Variants in ZNF430 observed in about 807,000 individuals in gnomAD.
ZNF430 encodes the protein zinc finger protein 430.
A neutral mutation model predicts 56.7 loss-of-function variants in ZNF430; 35 were observed. The observed-to-expected ratio is 0.62, with a 90% CI of 0.47 to 0.82. The LOEUF (loss-of-function observed/expected upper bound fraction) is 0.82. Among genes scored for constraint, ZNF430 ranks in the 40% least tolerant of loss-of-function variants. The pLI, the probability that ZNF430 is intolerant of heterozygous loss-of-function variation, is 0.00. For missense variants in ZNF430, 574 were observed against 661.0 expected, an observed-to-expected ratio of 0.87 and a Z score of 1.44; for synonymous variants, 212 against 224.3, an observed-to-expected ratio of 0.94 and a Z score of 0.49.
intron 4 of ZNF430, among the ~76,000 whole-genome samples, chr19:21,055,489 C>A (rs901672833): frequency 6.6e-6 from 1 of 151,248 alleles, no homozygotes. Flanking sequence ...TGCTCTGTCT[C>A]CCAGACTGGA....
Position 21,059,684 on chromosome 19 carries a change from A to G in ZNF430, c.*1663A>G, listed in dbSNP as rs1201586063. On this transcript the variant is annotated 3_prime_UTR_variant, in exon 5 of 5. Transcript: ENST00000261560. ...TGAAAAAATTACAGATTTTTTGTAA[A>G]TAATGATGTAATTCAACTCTCAAAA... 6.6e-6 allele frequency: 1 copy of G among 152,204 alleles called. No homozygotes were observed. The highest frequency in any genetic ancestry group is 1.5e-5 in the Non-Finnish European group (1 of 68,030). The allele number at this position is 152,204 out of a possible 1,614,324, so 9.4% of individuals were successfully genotyped here. A position where few individuals can be genotyped will look rare whatever the true frequency, so the allele number is the denominator to read the frequency against.
intron 4 of ZNF430, 101 bp downstream of exon 4, chr19:21,034,285 A>C: frequency 1.1e-6 from 1 of 951,278 alleles, no homozygotes; most frequent in Non-Finnish European, 1.5e-6. Context: ...TCCAAAGCAA[A>C]TATTTTCTGG....
chr19:21,046,408 CTT>C (rs1328006225), intron 4 of ZNF430, among the ~76,000 whole-genome samples: 1 of 151,224 alleles, frequency 6.6e-6, no homozygotes, highest in Non-Finnish European at 1.5e-5. Flanking sequence ...TTTGAAGACT[CTT>C]TGATGTAGTT....
At position 21,059,133 on chromosome 19, in the gene ZNF430, G is replaced by C. The variant is rs1732911980; in HGVS notation, c.*1112G>C. ...ATATTTTTGCAGATGCAGTAAAAAT[G>C]AAAATATTTAATCCAAAATTAAGTC... is the stretch of plus-strand genomic sequence containing the variant. On this transcript the variant is annotated 3_prime_UTR_variant, in exon 5 of 5. Transcript: ENST00000261560. The C allele has an allele frequency of 6.6e-6, 1 of 152,162 alleles. No individual in the cohort carries two copies. The highest frequency in any genetic ancestry group is 2.1e-4 in the South Asian group (1 of 4,824). 9.4% of individuals were successfully genotyped at this position (152,162 alleles called of 1,614,324 possible).
chr19:21,047,251 C>G (rs796612582), intron 4 of ZNF430, among the ~76,000 whole-genome samples: 4 of 152,088 alleles, frequency 2.6e-5, no homozygotes, highest in Non-Finnish European at 5.9e-5. Flanking sequence ...TTTCATGGTT[C>G]TTAGCTTCTT....
At chr19:21,049,173 C>CAAAAAAAAAA (rs746043747) in intron 4 of ZNF430, among the ~76,000 whole-genome samples, 10 of 65,240 alleles carry the variant, frequency 1.5e-4, no homozygotes, top group Admixed American at 4.9e-4. Flanking sequence ...GACTCCATCT[C>CAAAAAAAAAA]AAAAAAAAAA....
At chr19:21,036,452 A>AT (rs1968001903) in intron 4 of ZNF430, 1 of 151,934 alleles carries the variant, frequency 6.6e-6, no homozygotes, top group East Asian at 1.9e-4. Context: ...ATAAATCTGT[A>AT]TTTTTTTCAG....
At chr19:21,042,601 A>G in intron 4 of ZNF430, among the ~76,000 whole-genome samples, 1 of 152,158 alleles carries the variant, frequency 6.6e-6, no homozygotes, top group East Asian at 1.9e-4. Flanking sequence ...ATCCTGGCTA[A>G]CACGGTGAAA....
Position 21,020,795 on chromosome 19 carries a change from C to G in ZNF430, c.-6C>G. The G allele has an allele frequency of 1.9e-6, 3 of 1,613,886 alleles. No homozygotes were observed. The highest frequency in any genetic ancestry group is 2.5e-6 in the Non-Finnish European group (3 of 1,179,860). On this transcript the variant is annotated 5_prime_UTR_variant, in exon 1 of 5. Coordinates refer to ENST00000261560, the MANE Select transcript of ZNF430 (RefSeq NM_025189.4). ...TAAGACGCCAGGAACCCCTGGAAGC[C>G]TAGAAATGGTGAGAGTGCCGGGTCC...
chr19:21,054,802 G>A (rs1263986939), intron 4 of ZNF430, among the ~76,000 whole-genome samples: 1 of 149,606 alleles, frequency 6.7e-6, no homozygotes, highest in East Asian at 2.0e-4. Flanking sequence ...AGCCTCCTGC[G>A]TAGCTGGGAC....
chr19:21,025,457 G>C (rs1341017254), intron 2 of ZNF430, among the ~76,000 whole-genome samples: 1 of 152,130 alleles, frequency 6.6e-6, no homozygotes, highest in East Asian at 1.9e-4. Context: ...ATCTTGTGCT[G>C]AACTCTTGTC....
chr19:21,045,091 C>A (rs933818864), intron 4 of ZNF430, among the ~76,000 whole-genome samples: 3 of 151,820 alleles, frequency 2.0e-5, no homozygotes, highest in Non-Finnish European at 2.9e-5. Flanking sequence ...CACTTGGATT[C>A]TTCTTATGTC....
chr19:21,049,733 C>G (rs113050285), intron 4 of ZNF430, among the ~76,000 whole-genome samples: 19 of 151,872 alleles, frequency 1.3e-4, no homozygotes, highest in South Asian at 8.3e-4. Flanking sequence ...TGTTACATTT[C>G]GTGTAACATT....
At chr19:21,048,834 C>T (rs545205697) in intron 4 of ZNF430, among the ~76,000 whole-genome samples, 11 of 152,022 alleles carry the variant, frequency 7.2e-5, no homozygotes, top group African/African-American at 9.6e-5. Context: ...CCCTCCTGGA[C>T]GGGGTGGCTG....
At chr19:21,028,773 C>T (rs1301177329) in intron 2 of ZNF430, among the ~76,000 whole-genome samples, 1 of 152,132 alleles carries the variant, frequency 6.6e-6, no homozygotes, top group Admixed American at 6.5e-5. Flanking sequence ...GCAACCTCCG[C>T]CTCCCGGGTT....
chr19:21,023,129 C>A lies in ZNF430; in HGVS notation c.96+248C>A, dbSNP rs1051013419. Among the ~76,000 whole-genome samples the A allele has an allele frequency of 4.5e-4, 68 of 152,102 alleles. 1 individual carries two copies. The highest frequency in any genetic ancestry group is 4.4e-3 in the Admixed American group (67 of 15,252). On this transcript the variant is annotated intron_variant, in intron 2 of 4. Coordinates refer to ENST00000261560, the MANE Select transcript of ZNF430 (RefSeq NM_025189.4). ...ACAAAAAGAAAAAGAAAAACACTGA[C>A]CCCAGTGAGATGGCGTAAGAACTTG...
chr19:21,056,250 A>G (rs933100875), intron 4 of ZNF430, among the ~76,000 whole-genome samples: 1 of 152,126 alleles, frequency 6.6e-6, no homozygotes, highest in African/African-American at 2.4e-5. Context: ...GCACTTTGGG[A>G]GGCTGAAGTG....
intron 1 of ZNF430, among the ~76,000 whole-genome samples, chr19:21,021,228 G>C (rs1208263283): frequency 6.6e-6 from 1 of 152,092 alleles, no homozygotes; most frequent in Non-Finnish European, 1.5e-5. Flanking sequence ...ACCGGGAGGG[G>C]TGGCTCACGT....
In ZNF430 at chr19:21,056,739, A is replaced by C; in HGVS notation, c.431A>C (p.Gln144Pro). The change falls in exon 5 of 5, where the codon CAG (glutamine) becomes CCG (proline). Residue 144 changes from glutamine (Q) to proline (P), a missense_variant. By Grantham distance (76) the Gln-to-Pro change is moderately conservative. Coordinates refer to ENST00000261560, the MANE Select transcript of ZNF430 (RefSeq NM_025189.4). The part of the protein sequence containing the change: ...RYGKCGHEDL[Q>P]LRTGCKSVDE... ...GGAAAATGTGGACATGAAGATTTAC[A>C]GTTAAGAACAGGCTGTAAAAGTGTG... 1.2e-6 allele frequency: 2 copies of C among 1,610,968 alleles called. No homozygotes were observed. The highest frequency in any genetic ancestry group is 1.7e-6 in the Non-Finnish European group (2 of 1,178,756).
Sources: gnomAD v4.1 joint callset for allele counts (sites outside exome capture counted in the v4.1 genomes callset) on GRCh38, gnomAD v4.1.1 for gene constraint, MANE v1.5 for transcripts, NCBI Gene and HGNC (gene_info 2026-07-23, HGNC 2026-07-21) for gene names.